Variants in NLRP5 observed in about 807,000 individuals in gnomAD.
NLRP5 encodes the protein NACHT, LRR and PYD domains-containing protein 5.
NLRP5 carries 93 observed loss-of-function variants against 113.1 expected under a neutral mutation model. That is an observed-to-expected ratio of 0.82 (90% CI 0.70 to 0.98). The LOEUF (loss-of-function observed/expected upper bound fraction) is 0.98. Among genes scored for constraint, NLRP5 ranks in the 50% least tolerant of loss-of-function variants. The pLI, the probability that NLRP5 is intolerant of heterozygous loss-of-function variation, is 0.00. For missense variants in NLRP5, 1,808 were observed against 1,514.3 expected, an observed-to-expected ratio of 1.19 and a Z score of -3.22; for synonymous variants, 751 against 600.7, an observed-to-expected ratio of 1.25 and a Z score of -3.66.
Position 56,003,729 on chromosome 19 carries a change from T to A in NLRP5, c.76T>A (p.Ser26Thr). 1.2e-6 allele frequency: 2 copies of A among 1,600,262 alleles called. No individual in the cohort carries two copies. Among genetic ancestry groups the A allele is most frequent in the Non-Finnish European group, 8.5e-7 (1 of 1,174,536 alleles). Residue 26 changes from serine to threonine, a missense_variant, in exon 2 of 15, where the codon TCC (serine) becomes ACC (threonine). Physicochemically the swap from Ser to Thr is moderately conservative, Grantham distance 58. Transcript: ENST00000390649. ...TCCTCTTTTAAGTCTTGTCACTCTT[T>A]CCACAGGTCCTACTTGCTCTATATT...
At position 56,058,285 on chromosome 19, in the gene NLRP5, C is replaced by G. The variant is rs192828437; in HGVS notation, c.3345C>G (p.Ser1115=). 9.9e-6 allele frequency: 16 copies of G among 1,613,966 alleles called. No homozygotes were observed. The East Asian group carries it at 3.3e-4, about 34-fold the overall frequency. ...CTTCTGATTGCTGTGAGGCACTCTC[C>G]TTGGCCCTTTCCTGCAACCGGCATC... Residue 1115 remains serine, a synonymous_variant, in exon 14 of 15, where the codon TCC becomes TCG. Transcript: ENST00000390649.
intron 7 of NLRP5, among the ~76,000 whole-genome samples, chr19:56,031,500 G>T (rs773632047): frequency 1.9e-4 from 29 of 151,826 alleles, no homozygotes; most frequent in Non-Finnish European, 3.7e-4. Flanking sequence ...GCATGGTGGT[G>T]GGCACCTGTA....
At chr19:56,041,122 T>C in intron 11 of NLRP5, 30 bp downstream of exon 11, 1 of 1,607,166 alleles carries the variant, frequency 6.2e-7, no homozygotes, top group Non-Finnish European at 8.5e-7. Context: ...CTGCAAGGAC[T>C]TCCTAGCTTT....
the NLRP5 span, among the ~76,000 whole-genome samples, chr19:55,990,097 T>C: frequency 1.1e-3 from 116 of 101,410 alleles, 1 homozygote; most frequent in African/African-American, 4.2e-3. Flanking sequence ...TTTTTTTTTT[T>C]TTTTTTTTTT....
At chr19:56,005,010 C>T (rs4801659) in intron 2 of NLRP5, among the ~76,000 whole-genome samples, 10,580 of 150,570 alleles carry the variant, frequency 0.07, 468 homozygotes, top group East Asian at 0.2. Flanking sequence ...AGGAGAATCA[C>T]TTGAATCCGG....
intron 9 of NLRP5, among the ~76,000 whole-genome samples, chr19:56,036,785 C>T (rs925350002): frequency 5.3e-5 from 8 of 152,128 alleles, no homozygotes; most frequent in African/African-American, 1.9e-4. Context: ...GGTGAAACCC[C>T]GTCTCTACTA....
At chr19:56,030,687 A>G (rs1052833679) in intron 7 of NLRP5, among the ~76,000 whole-genome samples, 8 of 130,274 alleles carry the variant, frequency 6.1e-5, no homozygotes, top group Non-Finnish European at 1.1e-4. Context: ...ACCCTGTGCT[A>G]TACTTACATT....
chr19:56,027,293 C>A lies in NLRP5; in HGVS notation c.1060C>A (p.Pro354Thr), dbSNP rs1486565452. ...TCCGGTGACGGAGATCATGTCCCGA[C>A]CAGAAAGGCTGTTGTTCATCATTGA... The change falls in exon 7 of 15, where the codon CCA becomes ACA. Residue 354 changes from proline to threonine, a missense_variant. By Grantham distance (38) the Pro-to-Thr change is conservative (BLOSUM62 -1). Coordinates refer to ENST00000390649, the MANE Select transcript of NLRP5 (RefSeq NM_153447.4). 1 of 1,611,916 alleles carries A rather than the reference C, an allele frequency of 6.2e-7. No individual in the cohort carries two copies. Among genetic ancestry groups the A allele is most frequent in the African/African-American group, 1.3e-5 (1 of 74,940 alleles).
At chr19:56,005,721 C>G (rs1234300634) in intron 2 of NLRP5, among the ~76,000 whole-genome samples, 2 of 152,196 alleles carry the variant, frequency 1.3e-5, no homozygotes, top group Admixed American at 6.6e-5. Context: ...TTCAAGGGCT[C>G]TCTCTCCTGA....
At chr19:56,014,782 C>G (rs1232635992) in intron 3 of NLRP5, among the ~76,000 whole-genome samples, 1 of 152,126 alleles carries the variant, frequency 6.6e-6, no homozygotes, top group African/African-American at 2.4e-5. Context: ...CTATATCTGA[C>G]CTTGTGCCTG....
At chr19:55,993,433 T>C in the NLRP5 span, among the ~76,000 whole-genome samples, 4 of 6,998 alleles carry the variant, frequency 5.7e-4, no homozygotes, top group African/African-American at 1.0e-3. Flanking sequence ...CCTCTCCCCC[T>C]CCTCTCCCCC....
At chr19:56,037,908 GCAGA>G (rs1395982128) in intron 9 of NLRP5, 113 bp from the exon 10 acceptor site, 5 of 999,376 alleles carry the variant, frequency 5.0e-6, no homozygotes, top group Middle Eastern at 3.3e-4. Context: ...GGAGGCAGGA[GCAGA>G]CAGAGTTCGA....
rs1361699751 is a variant in NLRP5 at position 56,032,618 on chromosome 19, G to T, written c.2284G>T (p.Asp762Tyr). ...CTATCCCCCCTGACATAGGATGCGG[G>T]ATAAGACCCTCATTGAGGAGCAGTG... The change falls in exon 8 of 15, where the codon GAT becomes TAT. Residue 762 changes from aspartate (D) to tyrosine (Y), a missense_variant. Transcript: ENST00000390649. 1 of 1,612,990 alleles carries T rather than the reference G, an allele frequency of 6.2e-7. No individual in the cohort carries two copies. Among genetic ancestry groups the T allele is most frequent in the African/African-American group, 1.3e-5 (1 of 74,908 alleles).
At position 56,003,816 on chromosome 19, in the gene NLRP5, G is replaced by A; in HGVS notation, c.163G>A (p.Asp55Asn). Residue 55 changes from aspartate to asparagine, a missense_variant, in exon 2 of 15, where the codon GAC becomes AAC. Transcript: ENST00000390649. Reference sequence around the variant, plus strand: ...TCAGCCTTGTATCAAGATGGAAGGAGACAAATCGCTCACCTTTTCCAGCTA... The same window carrying A: ...TCAGCCTTGTATCAAGATGGAAGGAAACAAATCGCTCACCTTTTCCAGCTA... 6.2e-7 allele frequency: 1 copy of A among 1,613,964 alleles called. No individual in the cohort carries two copies. The highest frequency in any genetic ancestry group is 1.3e-5 in the African/African-American group (1 of 75,036).
Position 56,032,725 on chromosome 19 carries a change from C to T in NLRP5, c.2391C>T (p.Ala797=). The change falls in exon 8 of 15, where the codon GCC becomes GCT. Residue 797 remains alanine, a synonymous_variant. Transcript: ENST00000390649. ...GCAGCAGCATCCTGACAGAGCGGGC[C>T]ATGAAGACCCTGTGTGCCAAGCTGA... is the stretch of plus-strand genomic sequence containing the variant. 1 of 1,613,182 alleles carries T rather than the reference C, an allele frequency of 6.2e-7. No individual in the cohort carries two copies. Among genetic ancestry groups the T allele is most frequent in the African/African-American group, 1.3e-5 (1 of 75,030 alleles).
Position 56,011,891 on chromosome 19 carries a change from C to T in NLRP5, c.508+3038C>T, listed in dbSNP as rs145369265. Among the ~76,000 whole-genome samples the T allele has an allele frequency of 2.8e-3, 419 of 151,900 alleles. 2 individuals are homozygous for T. Among genetic ancestry groups the T allele is most frequent in the African/African-American group, 8.0e-3 (332 of 41,412 alleles). On this transcript the variant is annotated intron_variant, in intron 3 of 14. Transcript: ENST00000390649. ...GTATTTGGTAAAGATGGAGTTTCAC[C>T]GTATTGGTCAGGCTGGCCTAGAATT...
chr19:55,990,079 C>CTTTTTTT, the NLRP5 span, among the ~76,000 whole-genome samples: 186 of 95,930 alleles, frequency 1.9e-3, no homozygotes, highest in Non-Finnish European at 3.0e-3. Context: ...TTTCTTTTTT[C>CTTTTTTT]TTTTTTTTTT....
intron 5 of NLRP5, 84 bp from the exon 6 acceptor site, chr19:56,020,291 G>C: frequency 2.6e-6 from 4 of 1,525,272 alleles, no homozygotes; most frequent in Non-Finnish European, 9.0e-7. Flanking sequence ...AATAAATATG[G>C]CATGACTAAG....
intron 6 of NLRP5, among the ~76,000 whole-genome samples, chr19:56,024,590 C>G (rs1299073867): frequency 6.6e-6 from 1 of 150,410 alleles, no homozygotes; most frequent in Non-Finnish European, 1.5e-5. Context: ...TACATACACA[C>G]ACACACACAC....
Sources: allele counts gnomAD v4.1 joint callset (sites outside exome capture counted in the v4.1 genomes callset), GRCh38; gene constraint gnomAD v4.1.1; transcripts MANE v1.5; gene names NCBI Gene and HGNC (gene_info 2026-07-23, HGNC 2026-07-21).